Variants in ADGRF4 observed in about 807,000 individuals in gnomAD.
The protein encoded by ADGRF4 is adhesion G protein-coupled receptor F4, also known as G-protein coupled receptor PGR18.
A neutral mutation model predicts 58.5 loss-of-function variants in ADGRF4; 63 were observed. The ratio of observed to expected loss-of-function variants is 1.08; its 90% confidence interval spans 0.88 to 1.33. The LOEUF (loss-of-function observed/expected upper bound fraction) is 1.33. Among genes scored for constraint, ADGRF4 ranks in the 40% most tolerant of loss-of-function variants. The pLI, the probability that ADGRF4 is intolerant of heterozygous loss-of-function variation, is 0.00. For missense variants in ADGRF4, 931 were observed against 843.9 expected (o/e 1.10, Z -1.28); for synonymous variants, 313 against 295.4 (o/e 1.06, Z -0.61).
intron 3 of ADGRF4, among the ~76,000 whole-genome samples, chr6:47,710,005 G>A (rs1258542651): frequency 6.6e-6 from 1 of 152,086 alleles, no homozygotes; most frequent in African/African-American, 2.4e-5. Context: ...CTTTGTTCAG[G>A]TATGAGTTAT....
At position 47,712,362 on chromosome 6, in the gene ADGRF4, A is replaced by G. The variant is rs2113902702; in HGVS notation, c.306A>G (p.Ser102=). 3 of 1,614,016 alleles carry G rather than the reference A, an allele frequency of 1.9e-6. No homozygotes were observed. The highest frequency in any genetic ancestry group is 1.7e-4 in the Middle Eastern group (1 of 6,060). The change falls in exon 5 of 10, where the codon TCA becomes TCG. Residue 102 remains serine, a synonymous_variant. Coordinates refer to ENST00000283303, the MANE Select transcript of ADGRF4 (RefSeq NM_153838.5). ...SLSVEKLFKD[S]TGASRLSVAA... ...ACTACATTTGTTTTAAACAGGACTC[A>G]ACTGGTGCATCTCGCCTTTCTGTAG... is the stretch of plus-strand genomic sequence containing the variant.
Position 47,714,223 on chromosome 6 carries a change from A to G in ADGRF4, c.978A>G (p.Pro326=). The G allele has an allele frequency of 1.9e-6, 3 of 1,614,158 alleles. No individual in the cohort carries two copies. Among genetic ancestry groups the G allele is most frequent in the Non-Finnish European group, 2.5e-6 (3 of 1,180,028 alleles). ...GTCTGGTGCTATCAGTGGTTTTACC[A>G]GAAAGGTTGCAAGAAATCATACTCA... ...VNGLVLSVVL[P]ERLQEIILTF... The change falls in exon 6 of 10, where the codon CCA becomes CCG. Residue 326 remains proline (P), a synonymous_variant. Coordinates refer to ENST00000283303, the MANE Select transcript of ADGRF4 (RefSeq NM_153838.5).
chr6:47,718,099 A>G (rs1213108912), intron 8 of ADGRF4, among the ~76,000 whole-genome samples: 1 of 152,106 alleles, frequency 6.6e-6, no homozygotes, highest in Non-Finnish European at 1.5e-5. Context: ...TAAGATAGGC[A>G]TTTTCTTCGT....
intron 4 of ADGRF4, among the ~76,000 whole-genome samples, chr6:47,711,900 AG>A (rs5876029): frequency 0.57 from 86,933 of 151,968 alleles, 25,684 homozygotes; most frequent in Middle Eastern, 0.69. Context: ...CTTTATACAA[AG>A]CACATTCTGA....
chr6:47,720,148 C>T (rs1772123236), intron 9 of ADGRF4, among the ~76,000 whole-genome samples: 1 of 152,100 alleles, frequency 6.6e-6, no homozygotes, highest in Non-Finnish European at 1.5e-5. Context: ...GAAATTCACA[C>T]TAGATGATCC....
chr6:47,712,394 C>A lies in ADGRF4; in HGVS notation c.338C>A (p.Pro113Gln). 1 of 1,613,842 alleles carries A rather than the reference C, an allele frequency of 6.2e-7. No homozygotes were observed. Among genetic ancestry groups the A allele is most frequent in the Non-Finnish European group, 8.5e-7 (1 of 1,179,800 alleles). Residue 113 changes from proline (P) to glutamine (Q), a missense_variant, in exon 5 of 10, where the codon CCA becomes CAA. Pro to Gln is a moderately conservative substitution (Grantham distance 76, BLOSUM62 -1). Transcript: ENST00000283303. ...GCATCTCGCCTTTCTGTAGCAGCAC[C>A]ATCTATACCTCTGCATATTCTAGAC... ...TGASRLSVAAPSIPLHILDFR... is the reference protein window; with the variant it reads ...TGASRLSVAAQSIPLHILDFR...
At chr6:47,700,475 A>C (rs1231453497) in intron 1 of ADGRF4, among the ~76,000 whole-genome samples, 1 of 152,182 alleles carries the variant, frequency 6.6e-6, no homozygotes, top group African/African-American at 2.4e-5. Flanking sequence ...GACAAATAGG[A>C]GATGGTGTTT....
chr6:47,720,605 C>A (rs919481175), intron 9 of ADGRF4, among the ~76,000 whole-genome samples: 1 of 152,132 alleles, frequency 6.6e-6, no homozygotes, highest in Admixed American at 6.5e-5. Flanking sequence ...TCATTGGGAA[C>A]CCCATTCTGG....
intron 4 of ADGRF4, among the ~76,000 whole-genome samples, chr6:47,712,141 A>C (rs1264661085): frequency 6.6e-6 from 1 of 152,136 alleles, no homozygotes; most frequent in Non-Finnish European, 1.5e-5. Context: ...CCAATAGTAA[A>C]GGTCAATATC....
At position 47,714,612 on chromosome 6, in the gene ADGRF4, G is replaced by A; in HGVS notation, c.1367G>A (p.Trp456Ter). The A allele has an allele frequency of 6.2e-7, 1 of 1,614,012 alleles. No homozygotes were observed. Among genetic ancestry groups the A allele is most frequent in the Non-Finnish European group, 8.5e-7 (1 of 1,179,966 alleles). The change falls in exon 6 of 10, where the codon TGG becomes TAG. Residue 456 changes from tryptophan to a stop codon, truncating the protein, a stop_gained. Coordinates refer to ENST00000283303, the MANE Select transcript of ADGRF4 (RefSeq NM_153838.5). LOFTEE classifies it high-confidence loss of function. ...IAVSLLTANVWFIIGSHFNIK... is the reference protein window; with the variant it reads ...IAVSLLTANV ...GTGTCCCTTCTGACTGCCAATGTGT[G>A]GTTTATCATAGGCTCTCACTTTAAC...
At position 47,714,946 on chromosome 6, in the gene ADGRF4, C is replaced by T. The variant is rs115968193; in HGVS notation, c.1701C>T (p.Phe567=). ...TTTTAGCATTTGCCATCCCGGCGTT[C>T]GTCATTGTGGCTGTAAATCTGATTG... ...KALLAFAIPA[F]VIVAVNLIVV... is the part of the protein sequence containing the mutation. Residue 567 remains phenylalanine (F), a synonymous_variant, in exon 6 of 10, where the codon TTC becomes TTT. Transcript: ENST00000283303. 6 of 1,613,670 alleles carry T rather than the reference C, an allele frequency of 3.7e-6. No individual in the cohort carries two copies. The highest frequency in any genetic ancestry group is 1.7e-5 in the Admixed American group (1 of 60,008).
chr6:47,711,556 G>T (rs549334474), intron 4 of ADGRF4, among the ~76,000 whole-genome samples: 1 of 152,120 alleles, frequency 6.6e-6, no homozygotes, highest in South Asian at 2.1e-4. Context: ...CCACCGCGCC[G>T]GGCCTTGATA....
chr6:47,712,659 T>A (rs1322757213), intron 5 of ADGRF4, 51 bp downstream of exon 5: 2 of 1,413,864 alleles, frequency 1.4e-6, no homozygotes, highest in East Asian at 4.6e-5. Flanking sequence ...AATTTTCATT[T>A]GAATAGTTTC....
chr6:47,718,773 G>A (rs1772092084), intron 9 of ADGRF4, among the ~76,000 whole-genome samples: 1 of 152,150 alleles, frequency 6.6e-6, no homozygotes, highest in Admixed American at 6.5e-5. Context: ...ACACTTGATT[G>A]ATTGGAATTA....
At chr6:47,704,591 A>G (rs1263246768) in intron 1 of ADGRF4, among the ~76,000 whole-genome samples, 1 of 151,806 alleles carries the variant, frequency 6.6e-6, no homozygotes, top group African/African-American at 2.4e-5. Context: ...CTTCAGCTTG[A>G]TAATCAAAAT....
chr6:47,708,400 G>A (rs1041561584), intron 3 of ADGRF4, 122 bp downstream of exon 3: 1 of 698,236 alleles, frequency 1.4e-6, no homozygotes, highest in Admixed American at 2.2e-5. Flanking sequence ...TCTCCAGTAA[G>A]TCCTCTGTGC....
At chr6:47,703,902 G>C (rs1771646477) in intron 1 of ADGRF4, among the ~76,000 whole-genome samples, 1 of 152,186 alleles carries the variant, frequency 6.6e-6, no homozygotes, top group African/African-American at 2.4e-5. Flanking sequence ...GCACTAGTTG[G>C]AGAGACATTT....
At position 47,713,791 on chromosome 6, in the gene ADGRF4, A is replaced by G; in HGVS notation, c.553-7A>G. ...CTTAGTATAATGTTCACCTTTCTCC[A>G]TTGCAGAGCTATAGTGAAGTGGCCA... is the stretch of plus-strand genomic sequence containing the variant. On this transcript the variant is annotated splice_polypyrimidine_tract_variant and splice_region_variant and intron_variant, in intron 5 of 9. Transcript: ENST00000283303. 1 of 1,519,310 alleles carries G rather than the reference A, an allele frequency of 6.6e-7. No individual in the cohort carries two copies. The highest frequency in any genetic ancestry group is 8.8e-7 in the Non-Finnish European group (1 of 1,135,530). 94.1% of individuals were successfully genotyped at this position (1,519,310 alleles called of 1,614,324 possible). A position where few individuals can be genotyped will look rare whatever the true frequency, so the allele number is the denominator to read the frequency against.
At chr6:47,719,739 G>A (rs547902255) in intron 9 of ADGRF4, among the ~76,000 whole-genome samples, 4 of 152,280 alleles carry the variant, frequency 2.6e-5, no homozygotes. Context: ...GGGATCCTAG[G>A]TTGGCTGTAG....
Sources: gnomAD v4.1 joint callset for allele counts (sites outside exome capture counted in the v4.1 genomes callset) on GRCh38, gnomAD v4.1.1 for gene constraint, MANE v1.5 for transcripts, NCBI Gene and HGNC (gene_info 2026-07-23, HGNC 2026-07-21) for gene names.